ANK2: variants seen among roughly 807,000 people sequenced by gnomAD.
ANK2 encodes ankyrin-2.
Under a neutral mutation model 360.5 loss-of-function variants are expected in ANK2, and 83 were observed. The observed-to-expected ratio is 0.23, with a 90% CI of 0.19 to 0.28. The LOEUF (loss-of-function observed/expected upper bound fraction) is 0.28. Ranked by LOEUF, ANK2 falls within the 10% of genes least tolerant of loss-of-function variation. ANK2 has a pLI of 1.00. For missense variants in ANK2, 4,201 were observed against 4,795.7 expected, an observed-to-expected ratio of 0.88 and a Z score of 3.66; for synonymous variants, 1,740 against 1,759.5, an observed-to-expected ratio of 0.99 and a Z score of 0.28.
chr4:112,716,067 A>G, the ANK2 span, among the ~76,000 whole-genome samples: 11 of 152,182 alleles, frequency 7.2e-5, no homozygotes, highest in Non-Finnish European at 1.3e-4. Context: ...CCCTTCCCCA[A>G]GGACAGCACT....
chr4:112,828,232 C>CT (rs751771907), intron 1 of ANK2, among the ~76,000 whole-genome samples: 39,024 of 109,186 alleles, frequency 0.36, 8,189 homozygotes, highest in East Asian at 0.4. Flanking sequence ...GAATTACGGA[C>CT]TTTTTTTTTT....
chr4:112,710,562 G>C, the ANK2 span, among the ~76,000 whole-genome samples: 1 of 152,130 alleles, frequency 6.6e-6, no homozygotes, highest in South Asian at 2.1e-4. Flanking sequence ...GCTGGGCTTG[G>C]TGGCGGGCGC....
rs185081362 is a variant in ANK2, at chr4:113,063,851, A to G, written c.84+14039A>G. ...TTCTTGCTAATGTCCAACTAAATAC[A>G]TTTGAAGTTATTTAGATTGCAATAA... is the stretch of plus-strand genomic sequence containing the variant. On this transcript the variant is annotated intron_variant, in intron 1 of 45. Coordinates refer to ENST00000357077, the MANE Select transcript of ANK2 (RefSeq NM_001148.6). Among the ~76,000 whole-genome samples the G allele has an allele frequency of 2.5e-3, 374 of 152,280 alleles. 1 individual carries two copies. Among genetic ancestry groups the G allele is most frequent in the Non-Finnish European group, 4.3e-3 (295 of 68,006 alleles).
At chr4:113,144,471 G>A (rs2096754856) in intron 1 of ANK2, among the ~76,000 whole-genome samples, 2 of 151,840 alleles carry the variant, frequency 1.3e-5, no homozygotes, top group East Asian at 1.9e-4. Flanking sequence ...TGACATATTG[G>A]AAAGGAAAAT....
chr4:113,293,351 G>C, intron 21 of ANK2, 89 bp from the exon 22 acceptor site: 2 of 1,127,254 alleles, frequency 1.8e-6, no homozygotes, highest in Non-Finnish European at 2.6e-6. Flanking sequence ...AGGAAATGCT[G>C]GCTGATGCAG....
intron 1 of ANK2, among the ~76,000 whole-genome samples, chr4:113,166,258 T>C (rs1053146829): frequency 6.6e-6 from 1 of 152,136 alleles, no homozygotes. Context: ...CATTAACATT[T>C]TAGTAACTGG....
chr4:112,880,315 T>TA (rs2076359507), intron 1 of ANK2: 1 of 152,196 alleles, frequency 6.6e-6, no homozygotes, highest in Non-Finnish European at 1.5e-5. Context: ...TTTCCATCGT[T>TA]ACAGAAAATT....
chr4:113,107,657 T>C (rs752830537), intron 1 of ANK2, among the ~76,000 whole-genome samples: 1 of 152,234 alleles, frequency 6.6e-6, no homozygotes, highest in Non-Finnish European at 1.5e-5. Context: ...CCATCCATCT[T>C]GTTTTGGTCT....
the ANK2 span, among the ~76,000 whole-genome samples, chr4:112,721,360 T>C: frequency 2.0e-5 from 3 of 151,922 alleles, no homozygotes; most frequent in African/African-American, 7.3e-5. Context: ...GCCAACATAG[T>C]GAAACCCTGT....
At chr4:113,090,249 G>T (rs1356000243) in intron 1 of ANK2, among the ~76,000 whole-genome samples, 2 of 152,062 alleles carry the variant, frequency 1.3e-5, no homozygotes, top group Non-Finnish European at 2.9e-5. Flanking sequence ...TCATTGATAA[G>T]CTATAGTTTT....
Position 112,971,702 on chromosome 4 carries a change from A to G in ANK2, c.21+67188A>G, listed in dbSNP as rs576684908. Among the ~76,000 whole-genome samples, 930 of 152,326 alleles carry G rather than the reference A, an allele frequency of 6.1e-3. 15 individuals carry two copies. The highest frequency in any genetic ancestry group is 0.021 in the African/African-American group (883 of 41,564). ...CATTTTTTCTTTTAAGAGAAAGACA[A>G]GTTTATCTTGAGGAGCTTCATATTG... On this transcript the variant is annotated intron_variant, in intron 2 of 30. Coordinates refer to the ANK2 transcript ENST00000503271.
At position 113,196,486 on chromosome 4, in the gene ANK2, A is replaced by C; in HGVS notation, c.285+20A>C. ...ACTAAGGTAACATTTATGTTGGTAG[A>C]ACATTTTTTTCCTTAGAAAAGCGAA... is the stretch of plus-strand genomic sequence containing the variant. On this transcript the variant is annotated intron_variant, in intron 3 of 45. Transcript: ENST00000357077. 6.3e-7 allele frequency: 1 copy of C among 1,593,742 alleles called. No individual in the cohort carries two copies. The highest frequency in any genetic ancestry group is 8.6e-7 in the Non-Finnish European group (1 of 1,163,688).
chr4:113,257,085 T>C (rs910070521), intron 11 of ANK2, among the ~76,000 whole-genome samples: 2 of 152,286 alleles, frequency 1.3e-5, no homozygotes, highest in African/African-American at 4.8e-5. Flanking sequence ...AAATAAGAAG[T>C]CATCAGCTTA....
chr4:113,083,256 G>A (rs1183993379), intron 1 of ANK2, among the ~76,000 whole-genome samples: 1 of 152,112 alleles, frequency 6.6e-6, no homozygotes, highest in African/African-American at 2.4e-5. Flanking sequence ...ATAGCTCACT[G>A]TCACCTTGAT....
the ANK2 span, among the ~76,000 whole-genome samples, chr4:112,764,854 T>A: frequency 6.6e-6 from 1 of 151,890 alleles, no homozygotes; most frequent in African/African-American, 2.4e-5. Context: ...ATTACAGGCA[T>A]GTGCCACCAC....
intron 1 of ANK2, among the ~76,000 whole-genome samples, chr4:113,172,697 A>C (rs2098027823): frequency 6.6e-6 from 1 of 152,146 alleles, no homozygotes; most frequent in African/African-American, 2.4e-5. Context: ...TTTTGGAAAA[A>C]CTTTATATAC....
At chr4:113,305,109 G>A (rs1448313507) in intron 23 of ANK2, among the ~76,000 whole-genome samples, 18 of 151,666 alleles carry the variant, frequency 1.2e-4, no homozygotes, top group Admixed American at 1.1e-3. Context: ...GGGAGGCCGA[G>A]GCGGGCGGAT....
At chr4:113,184,427 T>C (rs1308390226) in intron 2 of ANK2, among the ~76,000 whole-genome samples, 1 of 152,042 alleles carries the variant, frequency 6.6e-6, no homozygotes, top group East Asian at 1.9e-4. Context: ...AGGGAATCTC[T>C]CCAGGAGTCT....
At chr4:112,729,020 A>G in the ANK2 span, among the ~76,000 whole-genome samples, 1 of 152,022 alleles carries the variant, frequency 6.6e-6, no homozygotes, top group Non-Finnish European at 1.5e-5. Context: ...CAACCTGGGC[A>G]ATATAGTGGG....
Sources: gnomAD v4.1 joint callset for allele counts (sites outside exome capture counted in the v4.1 genomes callset) on GRCh38, gnomAD v4.1.1 for gene constraint, MANE v1.5 for transcripts, NCBI Gene and HGNC (gene_info 2026-07-23, HGNC 2026-07-21) for gene names.